SNX29: variants seen among roughly 807,000 people sequenced by gnomAD.
SNX29 encodes the protein sorting nexin-29.
In SNX29, 78 loss-of-function variants were observed where a neutral mutation model predicts 102.1. The observed-to-expected ratio is 0.76, with a 90% CI of 0.64 to 0.92. The LOEUF (loss-of-function observed/expected upper bound fraction) is 0.92. Among genes scored for constraint, SNX29 ranks in the 40% least tolerant of loss-of-function variants. The pLI is 0.00. For synonymous variants in SNX29, 580 were observed against 414.5 expected (o/e 1.40, Z -4.85); for missense variants, 1,280 against 1,061.7 (o/e 1.21, Z -2.86).
intron 19 of SNX29, among the ~76,000 whole-genome samples, chr16:12,498,935 T>C (rs2088966633): frequency 6.6e-6 from 1 of 152,210 alleles, no homozygotes; most frequent in African/African-American, 2.4e-5. Flanking sequence ...TGCTACTTGA[T>C]AGCAGAAGGG....
chr16:12,421,979 T>C (rs1476068616), intron 18 of SNX29, among the ~76,000 whole-genome samples: 1 of 151,876 alleles, frequency 6.6e-6, no homozygotes, highest in Non-Finnish European at 1.5e-5. Flanking sequence ...AGGCATCATC[T>C]ATCCATCACC....
intron 9 of SNX29, among the ~76,000 whole-genome samples, chr16:12,065,714 G>T (rs1486885744): frequency 6.6e-6 from 1 of 152,140 alleles, no homozygotes; most frequent in Non-Finnish European, 1.5e-5. Flanking sequence ...CCCTGGTTGT[G>T]CTTCCCAGTC....
At chr16:12,388,342 A>G (rs2083406887) in intron 16 of SNX29, among the ~76,000 whole-genome samples, 1 of 152,212 alleles carries the variant, frequency 6.6e-6, no homozygotes, top group Non-Finnish European at 1.5e-5. Flanking sequence ...GAGTGGGTAC[A>G]AATAAATGTC....
intron 15 of SNX29, among the ~76,000 whole-genome samples, chr16:12,293,530 C>T (rs1170411410): frequency 6.6e-6 from 1 of 152,164 alleles, no homozygotes; most frequent in East Asian, 1.9e-4. Flanking sequence ...GAAGACGTTT[C>T]TAAAGCCTGA....
At chr16:12,293,437 G>A (rs760976362) in intron 15 of SNX29, among the ~76,000 whole-genome samples, 33 of 152,190 alleles carry the variant, frequency 2.2e-4, no homozygotes, top group African/African-American at 4.8e-5. Context: ...CAGTGTGTTT[G>A]TTTCCGAAGA....
Position 12,071,652 on chromosome 16 carries a change from G to T in SNX29, c.1319+2520G>T, listed in dbSNP as rs961863179. 2.0e-5 allele frequency among the ~76,000 whole-genome samples: 3 copies of T among 152,130 alleles called. No homozygotes were observed. In the South Asian group the frequency reaches 6.2e-4, roughly 32 times the overall value. On this transcript the variant is annotated intron_variant, in intron 10 of 20. Coordinates refer to ENST00000566228, the MANE Select transcript of SNX29 (RefSeq NM_032167.5). Reference sequence around the variant, plus strand: ...TGGCTTAGGATTGACTTGGCAATGCGGCCTCTTTTTTGGTTCCATATGAAC... The same window carrying T: ...TGGCTTAGGATTGACTTGGCAATGCTGCCTCTTTTTTGGTTCCATATGAAC...
chr16:12,019,587 T>TACAG (rs1555520306), intron 3 of SNX29, among the ~76,000 whole-genome samples: 1 of 79,268 alleles, frequency 1.3e-5, no homozygotes, highest in African/African-American at 4.5e-5. Flanking sequence ...TGTAAATATA[T>TACAG]ATATATAGAT....
intron 15 of SNX29, among the ~76,000 whole-genome samples, chr16:12,278,666 A>G (rs1270079121): frequency 6.6e-6 from 1 of 152,154 alleles, no homozygotes; most frequent in Non-Finnish European, 1.5e-5. Flanking sequence ...TCAGGTATGC[A>G]TTACTGTGAT....
chr16:12,517,031 C>T (rs998416711), intron 19 of SNX29, among the ~76,000 whole-genome samples: 11 of 152,170 alleles, frequency 7.2e-5, no homozygotes, highest in East Asian at 5.8e-4. Context: ...AAAATTGTCT[C>T]GAGTGTTCTT....
chr16:12,305,569 T>C (rs900501530), intron 15 of SNX29, among the ~76,000 whole-genome samples: 6 of 152,192 alleles, frequency 3.9e-5, no homozygotes, highest in Non-Finnish European at 7.3e-5. Context: ...TGATTTAAAA[T>C]TTTGCTATTT....
chr16:12,306,443 T>C (rs185440958), intron 15 of SNX29, among the ~76,000 whole-genome samples: 5 of 152,240 alleles, frequency 3.3e-5, no homozygotes, highest in Admixed American at 2.6e-4. Flanking sequence ...CTGTTTAAAA[T>C]GAATTAAACA....
intron 13 of SNX29, among the ~76,000 whole-genome samples, chr16:12,168,871 G>A (rs961692072): frequency 3.3e-5 from 5 of 152,204 alleles, no homozygotes; most frequent in Non-Finnish European, 5.9e-5. Context: ...TTGCATGCCG[G>A]TTTCTTCTTG....
chr16:12,295,781 TC>T (rs1276324223), intron 15 of SNX29, among the ~76,000 whole-genome samples: 2 of 152,202 alleles, frequency 1.3e-5, no homozygotes, highest in Non-Finnish European at 2.9e-5. Context: ...TTTTTTTTTT[TC>T]CTCACTCCCT....
At chr16:11,984,651 C>CCTTTCCTCT (rs1192306506) in intron 1 of SNX29, among the ~76,000 whole-genome samples, 1 of 151,978 alleles carries the variant, frequency 6.6e-6, no homozygotes, top group African/African-American at 2.4e-5. Flanking sequence ...TCCCTTCCTC[C>CCTTTCCTCT]CTTTCCTCTC....
intron 20 of SNX29, among the ~76,000 whole-genome samples, chr16:12,551,195 C>T (rs2077954782): frequency 1.3e-5 from 2 of 151,750 alleles, no homozygotes; most frequent in African/African-American, 4.9e-5. Flanking sequence ...CCACAGAGAG[C>T]CTTTAGGAAC....
chr16:12,554,689 A>G (rs1371161339), intron 20 of SNX29, among the ~76,000 whole-genome samples: 5 of 152,286 alleles, frequency 3.3e-5, no homozygotes, highest in Non-Finnish European at 5.9e-5. Flanking sequence ...AATTCTCAGC[A>G]TCCCTGCCCA....
intron 17 of SNX29, among the ~76,000 whole-genome samples, chr16:12,402,342 C>G (rs1050505630): frequency 3.3e-5 from 5 of 152,200 alleles, no homozygotes; most frequent in African/African-American, 1.2e-4. Flanking sequence ...TCTTCCATCA[C>G]CGGTGTCTCA....
At chr16:12,518,060 G>A (rs1282032591) in intron 19 of SNX29, among the ~76,000 whole-genome samples, 1 of 152,196 alleles carries the variant, frequency 6.6e-6, no homozygotes, top group East Asian at 1.9e-4. Context: ...CGGCCACGCG[G>A]CAAGGTTCCC....
intron 9 of SNX29, among the ~76,000 whole-genome samples, chr16:12,063,206 C>A (rs1157097823): frequency 1.3e-5 from 2 of 151,832 alleles, no homozygotes; most frequent in African/African-American, 2.4e-5. Flanking sequence ...ATGCCAAGGC[C>A]CCTGGTGAGA....
Sources: allele counts gnomAD v4.1 joint callset (sites outside exome capture counted in the v4.1 genomes callset), GRCh38; gene constraint gnomAD v4.1.1; transcripts MANE v1.5; gene names NCBI Gene and HGNC (gene_info 2026-07-23, HGNC 2026-07-21).